The following CNTN4 variants were observed in gnomAD, a reference collection of about 807,000 sequenced individuals.
CNTN4 encodes the protein contactin 4.
Under a neutral mutation model 122.5 loss-of-function variants are expected in CNTN4, and 77 were observed. The ratio of observed to expected loss-of-function variants is 0.63; its 90% CI spans 0.52 to 0.76. The LOEUF is 0.76. Among genes scored for constraint, CNTN4 ranks in the 30% least tolerant of loss-of-function variants. The pLI is 0.00. For synonymous variants in CNTN4, 512 were observed against 447.0 expected (o/e 1.15, Z -1.83); for missense variants, 1,256 against 1,259.1 (o/e 1.00, Z 0.04).
chr3:2,171,578 G>A (rs187819684), intron 2 of CNTN4, among the ~76,000 whole-genome samples: 1 of 152,134 alleles, frequency 6.6e-6, no homozygotes, highest in Admixed American at 6.5e-5. Context: ...GGTTAAAAAA[G>A]TCAGTGGGAC....
intron 3 of CNTN4, among the ~76,000 whole-genome samples, chr3:2,413,776 A>C (rs1206064814): frequency 6.6e-6 from 1 of 152,072 alleles, no homozygotes; most frequent in East Asian, 1.9e-4. Context: ...CCTGACCTCA[A>C]GTGATCCACC....
At chr3:2,440,217 TG>T (rs2048385993) in intron 3 of CNTN4, among the ~76,000 whole-genome samples, 1 of 152,160 alleles carries the variant, frequency 6.6e-6, no homozygotes, top group Non-Finnish European at 1.5e-5. Context: ...ATGTATACCA[TG>T]AAACTGGAAA....
chr3:2,396,615 C>T (rs2046649233), intron 3 of CNTN4, among the ~76,000 whole-genome samples: 1 of 151,372 alleles, frequency 6.6e-6, no homozygotes, highest in South Asian at 2.1e-4. Flanking sequence ...CCAGCTTGTG[C>T]AAAGGCAGCA....
At chr3:2,916,281 T>A (rs1271964032) in intron 12 of CNTN4, among the ~76,000 whole-genome samples, 1 of 151,502 alleles carries the variant, frequency 6.6e-6, no homozygotes, top group African/African-American at 2.4e-5. Flanking sequence ...AGGACAATAG[T>A]GGAGGGAAGG....
chr3:2,208,144 TTCC>T (rs1233422594), intron 2 of CNTN4, among the ~76,000 whole-genome samples: 1 of 152,188 alleles, frequency 6.6e-6, no homozygotes, highest in African/African-American at 2.4e-5. Flanking sequence ...TAGATAGTGA[TTCC>T]TCTGATGGAT....
chr3:2,213,041 A>G lies in CNTN4; in HGVS notation c.-145+112402A>G, dbSNP rs1475248651. ...TTAAACCTCCTAAGTATCTTCTCAG[A>G]ATGGGCATCAATCTCATAAATGCTG... is the stretch of plus-strand genomic sequence containing the variant. On this transcript the variant is annotated intron_variant, in intron 2 of 24. Transcript: ENST00000418658. 2.6e-5 allele frequency among the ~76,000 whole-genome samples: 4 copies of G among 152,292 alleles called. No homozygotes were observed. The East Asian group carries it at 7.7e-4, about 29-fold the overall frequency.
intron 3 of CNTN4, among the ~76,000 whole-genome samples, chr3:2,432,211 A>T (rs1055040126): frequency 5.9e-5 from 9 of 152,152 alleles, no homozygotes; most frequent in African/African-American, 2.2e-4. Context: ...GCCATACCCA[A>T]ATATCACCTG....
At chr3:2,246,487 T>C (rs908466423) in intron 2 of CNTN4, among the ~76,000 whole-genome samples, 3 of 152,060 alleles carry the variant, frequency 2.0e-5, no homozygotes, top group African/African-American at 7.2e-5. Context: ...ATAGTTACTT[T>C]CATGCTGGCC....
chr3:2,405,429 A>T (rs138242747), intron 3 of CNTN4, among the ~76,000 whole-genome samples: 1 of 152,286 alleles, frequency 6.6e-6, no homozygotes, highest in African/African-American at 2.4e-5. Context: ...AAAAGTTAGA[A>T]AGTCCTCAAA....
chr3:3,017,672 T>G (rs961583349), intron 14 of CNTN4, among the ~76,000 whole-genome samples: 2 of 152,172 alleles, frequency 1.3e-5, no homozygotes, highest in African/African-American at 4.8e-5. Flanking sequence ...TATTTTGCTA[T>G]GCCGTGAAGT....
chr3:2,669,792 G>A (rs2084393716), intron 4 of CNTN4, among the ~76,000 whole-genome samples: 1 of 152,152 alleles, frequency 6.6e-6, no homozygotes, highest in Non-Finnish European at 1.5e-5. Flanking sequence ...GGTATGTTGT[G>A]TCTTTGTTCT....
At chr3:2,827,893 C>G (rs1164846927) in intron 7 of CNTN4, among the ~76,000 whole-genome samples, 1 of 152,034 alleles carries the variant, frequency 6.6e-6, no homozygotes, top group Non-Finnish European at 1.5e-5. Flanking sequence ...TTGTCTTAAA[C>G]ATATTTTTAT....
At chr3:2,910,265 C>T (rs935406809) in intron 12 of CNTN4, among the ~76,000 whole-genome samples, 58 of 152,172 alleles carry the variant, frequency 3.8e-4, no homozygotes, top group Admixed American at 3.7e-3. Flanking sequence ...CAAAGAAATG[C>T]AGTGAGTCAG....
At chr3:2,825,507 C>T (rs1240560048) in intron 7 of CNTN4, among the ~76,000 whole-genome samples, 1 of 152,088 alleles carries the variant, frequency 6.6e-6, no homozygotes, top group African/African-American at 2.4e-5. Flanking sequence ...CAGGTGTGAG[C>T]CATCGCACCC....
intron 2 of CNTN4, among the ~76,000 whole-genome samples, chr3:2,311,340 G>T (rs2042907447): frequency 6.6e-6 from 1 of 151,938 alleles, no homozygotes; most frequent in African/African-American, 2.4e-5. Flanking sequence ...ACCTTGATTT[G>T]TAATTTTATA....
At chr3:2,737,066 G>C (rs932406647) in intron 5 of CNTN4, among the ~76,000 whole-genome samples, 1 of 152,008 alleles carries the variant, frequency 6.6e-6, no homozygotes, top group African/African-American at 2.4e-5. Context: ...TTACAAGCAT[G>C]AGCCACTGTG....
intron 2 of CNTN4, among the ~76,000 whole-genome samples, chr3:2,323,678 G>T (rs746054118): frequency 6.6e-5 from 10 of 152,130 alleles, no homozygotes; most frequent in Non-Finnish European, 1.2e-4. Flanking sequence ...TTTGGTCAAA[G>T]CAACTATTTC....
intron 3 of CNTN4, among the ~76,000 whole-genome samples, chr3:2,543,475 G>A (rs1435442653): frequency 6.6e-6 from 1 of 152,070 alleles, no homozygotes; most frequent in Admixed American, 6.6e-5. Flanking sequence ...TTGGGCCCTG[G>A]GAGGGGATAA....
intron 2 of CNTN4, among the ~76,000 whole-genome samples, chr3:2,188,230 G>C (rs2037365553): frequency 6.6e-6 from 1 of 152,120 alleles, no homozygotes; most frequent in Admixed American, 6.6e-5. Context: ...GGAAGTCCAT[G>C]AGAGTCCATA....
Sources: allele counts gnomAD v4.1 joint callset (sites outside exome capture counted in the v4.1 genomes callset), GRCh38; gene constraint gnomAD v4.1.1; transcripts MANE v1.5; gene names NCBI Gene and HGNC (gene_info 2026-07-23, HGNC 2026-07-21).